MREG: variants seen among roughly 807,000 people sequenced by gnomAD.
MREG encodes melanoregulin.
Under a neutral mutation model 28.5 loss-of-function variants are expected in MREG, and 31 were observed. That is an observed-to-expected ratio of 1.09 (90% CI 0.82 to 1.47). The LOEUF is 1.47. Ranked by LOEUF, MREG falls within the 40% of genes most tolerant of loss-of-function variation. The pLI is 0.00. For missense variants in MREG, 256 were observed against 257.4 expected (o/e 0.99, Z 0.04); for synonymous variants, 106 against 95.2 (o/e 1.11, Z -0.66).
At chr2:215,996,547 C>T (rs969659750) in intron 1 of MREG, 82 bp from the exon 2 acceptor site, 52 of 996,422 alleles carry the variant, frequency 5.2e-5, no homozygotes, top group Middle Eastern at 5.3e-4. Context: ...CATACAATAT[C>T]AATTAAAACT....
chr2:215,996,392 G>A lies in MREG; in HGVS notation c.169C>T (p.His57Tyr). Residue 57 changes from histidine to tyrosine, a missense_variant, in exon 2 of 5, where the codon CAT becomes TAT. Physicochemically the swap from His to Tyr is moderately conservative, Grantham distance 83. Coordinates refer to ENST00000263268, the MANE Select transcript of MREG (RefSeq NM_018000.3). ...TCTGCCTCTGTGTGGGACACATCAT[G>A]GGGCATACTCCATAAATTCTTCTCA... is the stretch of plus-strand genomic sequence containing the variant. Reference protein sequence around the residue: ...DDEKNLWSMPHDVSHTEADDD... With the variant: ...DDEKNLWSMPYDVSHTEADDD... 6.2e-7 allele frequency: 1 copy of A among 1,613,830 alleles called. No individual in the cohort carries two copies. The highest frequency in any genetic ancestry group is 1.7e-5 in the Admixed American group (1 of 60,030).
intron 2 of MREG, among the ~76,000 whole-genome samples, chr2:215,969,961 C>T (rs1170162985): frequency 6.6e-6 from 1 of 152,204 alleles, no homozygotes; most frequent in African/African-American, 2.4e-5. Flanking sequence ...CACCATCCCT[C>T]TTAGGATAGA....
At chr2:215,973,872 A>G (rs1459507527) in intron 2 of MREG, among the ~76,000 whole-genome samples, 2 of 151,976 alleles carry the variant, frequency 1.3e-5, no homozygotes, top group Non-Finnish European at 2.9e-5. Context: ...GAAAAATGCA[A>G]CTCCACAGCC....
At chr2:216,013,168 CCA>C in intron 1 of MREG, 63 bp downstream of exon 1, 1 of 1,428,246 alleles carries the variant, frequency 7.0e-7, no homozygotes, top group South Asian at 1.2e-5. Context: ...ACACAGGTGT[CCA>C]CACTCTCGGC....
intron 2 of MREG, among the ~76,000 whole-genome samples, chr2:215,948,362 A>G (rs1404264200): frequency 6.6e-6 from 1 of 152,226 alleles, no homozygotes; most frequent in African/African-American, 2.4e-5. Flanking sequence ...AGAAGTCAGG[A>G]AGTGGCAAGT....
chr2:215,980,203 C>T (rs934857250), intron 2 of MREG, among the ~76,000 whole-genome samples: 3 of 152,124 alleles, frequency 2.0e-5, no homozygotes, highest in Non-Finnish European at 1.5e-5. Context: ...CTGCTTTCTC[C>T]TGGAGGGCCC....
intron 2 of MREG, among the ~76,000 whole-genome samples, chr2:215,956,098 T>G (rs1188240714): frequency 4.8e-4 from 73 of 152,122 alleles, no homozygotes. Flanking sequence ...AGGCCAAAAT[T>G]TATTAGGAAT....
chr2:215,954,877 A>G (rs1332507783), intron 2 of MREG, among the ~76,000 whole-genome samples: 1 of 152,014 alleles, frequency 6.6e-6, no homozygotes, highest in Non-Finnish European at 1.5e-5. Context: ...CTAATTTTGT[A>G]TTTTTAGTAG....
chr2:215,984,492 T>G (rs1574626844), intron 2 of MREG, among the ~76,000 whole-genome samples: 1 of 113,380 alleles, frequency 8.8e-6, no homozygotes, highest in Admixed American at 1.2e-4. Flanking sequence ...TACTGAAGCC[T>G]GGGCAACAGA....
At chr2:215,966,593 C>T (rs957659857) in intron 2 of MREG, among the ~76,000 whole-genome samples, 5 of 148,434 alleles carry the variant, frequency 3.4e-5, no homozygotes, top group South Asian at 2.1e-4. Flanking sequence ...CCTTGTAAAA[C>T]ATTTTCCCTT....
At chr2:216,031,252 C>G (rs1431941827) in intron 1 of MREG, among the ~76,000 whole-genome samples, 1 of 151,568 alleles carries the variant, frequency 6.6e-6, no homozygotes, top group Non-Finnish European at 1.5e-5. Flanking sequence ...ACTAAAAATA[C>G]AAAAATTAGC....
At chr2:215,975,351 C>T (rs571097838) in intron 2 of MREG, among the ~76,000 whole-genome samples, 97 of 152,200 alleles carry the variant, frequency 6.4e-4, no homozygotes, top group African/African-American at 2.2e-3. Flanking sequence ...ATACTTTTGC[C>T]TTTCATAACC....
intron 2 of MREG, among the ~76,000 whole-genome samples, chr2:215,983,238 G>C (rs1470785786): frequency 2.6e-5 from 4 of 152,216 alleles, no homozygotes; most frequent in African/African-American, 9.6e-5. Flanking sequence ...GGAAAAATCA[G>C]ATGGCCCCGA....
At chr2:216,000,660 A>G (rs1693993179) in intron 1 of MREG, among the ~76,000 whole-genome samples, 1 of 152,110 alleles carries the variant, frequency 6.6e-6, no homozygotes, top group Non-Finnish European at 1.5e-5. Context: ...CTACATTTCT[A>G]CATTTCTTCC....
chr2:215,959,214 T>G (rs963571463), intron 2 of MREG, among the ~76,000 whole-genome samples: 8 of 152,190 alleles, frequency 5.3e-5, no homozygotes, highest in Non-Finnish European at 1.2e-4. Flanking sequence ...TTCTCTCTAG[T>G]GACTCCTAAG....
chr2:216,016,430 C>T (rs1371548684), upstream of MREG, among the ~76,000 whole-genome samples: 1 of 152,206 alleles, frequency 6.6e-6, no homozygotes, highest in Non-Finnish European at 1.5e-5. Flanking sequence ...CTGACAGCTA[C>T]TAGTAACTAT....
chr2:216,005,280 T>C (rs1481417488), intron 1 of MREG, among the ~76,000 whole-genome samples: 1 of 152,098 alleles, frequency 6.6e-6, no homozygotes, highest in East Asian at 1.9e-4. Flanking sequence ...TTTGATCCCA[T>C]TTATGCAAAG....
intron 1 of MREG, among the ~76,000 whole-genome samples, chr2:215,998,228 C>T (rs975376213): frequency 4.6e-5 from 7 of 150,870 alleles, no homozygotes; most frequent in Non-Finnish European, 7.4e-5. Flanking sequence ...TCGCTTGAAC[C>T]GGGGAGGCAG....
intron 2 of MREG, among the ~76,000 whole-genome samples, chr2:215,958,902 C>T (rs1692706243): frequency 6.6e-6 from 1 of 152,146 alleles, no homozygotes; most frequent in African/African-American, 2.4e-5. Flanking sequence ...CCACTGAGTG[C>T]CATGGGTAGT....
Sources: allele counts gnomAD v4.1 joint callset (sites outside exome capture counted in the v4.1 genomes callset), GRCh38; gene constraint gnomAD v4.1.1; transcripts MANE v1.5; gene names NCBI Gene and HGNC (gene_info 2026-07-23, HGNC 2026-07-21).